ATG10: variants seen among roughly 807,000 people sequenced by gnomAD.
ATG10 encodes autophagy related 10.
Under a neutral mutation model 32.1 loss-of-function variants are expected in ATG10, and 30 were observed. The ratio of observed to expected loss-of-function variants is 0.94; its 90% CI spans 0.70 to 1.27. ATG10 has a LOEUF of 1.27. Among genes scored for constraint, ATG10 ranks in the 50% most tolerant of loss-of-function variants. The pLI, the probability that ATG10 is intolerant of heterozygous loss-of-function variation, is 0.00. For missense variants in ATG10, 233 were observed against 262.3 expected, an observed-to-expected ratio of 0.89 and a Z score of 0.77; for synonymous variants, 87 against 91.5, an observed-to-expected ratio of 0.95 and a Z score of 0.28.
At chr5:82,013,241 G>A (rs1338725785) in intron 2 of ATG10, among the ~76,000 whole-genome samples, 3 of 152,160 alleles carry the variant, frequency 2.0e-5, no homozygotes, top group African/African-American at 7.2e-5. Flanking sequence ...GTGAGCCACC[G>A]CATCCGGCCC....
chr5:82,226,112 A>G (rs1463020112), intron 5 of ATG10, among the ~76,000 whole-genome samples: 1 of 152,176 alleles, frequency 6.6e-6, no homozygotes, highest in African/African-American at 2.4e-5. Context: ...GGCAGTTTCC[A>G]AGATGTGACT....
chr5:82,124,803 C>T (rs954630169), intron 3 of ATG10, among the ~76,000 whole-genome samples: 1 of 152,056 alleles, frequency 6.6e-6, no homozygotes, highest in African/African-American at 2.4e-5. Context: ...TGGATATATG[C>T]CCAGTAATGG....
At chr5:82,110,661 T>G (rs324902) in intron 3 of ATG10, among the ~76,000 whole-genome samples, 36,613 of 151,872 alleles carry the variant, frequency 0.24, 4,722 homozygotes, top group South Asian at 0.36. Context: ...GTTTTTTTCT[T>G]GTAAATTTGT....
intron 2 of ATG10, among the ~76,000 whole-genome samples, chr5:82,001,673 A>G (rs57372364): frequency 5.3e-5 from 8 of 152,150 alleles, no homozygotes; most frequent in East Asian, 1.9e-4. Flanking sequence ...AAAAGCAAAA[A>G]CTATAAAAAC....
intron 5 of ATG10, among the ~76,000 whole-genome samples, chr5:82,218,600 T>A (rs1353756617): frequency 6.6e-6 from 1 of 152,210 alleles, no homozygotes; most frequent in African/African-American, 2.4e-5. Flanking sequence ...TGTGTTTTTT[T>A]TCTCATATGT....
At chr5:82,109,390 G>A (rs940226358) in intron 3 of ATG10, among the ~76,000 whole-genome samples, 16 of 152,060 alleles carry the variant, frequency 1.1e-4, no homozygotes, top group African/African-American at 3.1e-4. Flanking sequence ...GTAGACTTCC[G>A]CCTCATGACT....
At position 82,164,533 on chromosome 5, in the gene ATG10, T is replaced by G; in HGVS notation, c.351T>G (p.Phe117Leu). The G allele has an allele frequency of 6.2e-7, 1 of 1,610,588 alleles. No individual in the cohort carries two copies. Among genetic ancestry groups the G allele is most frequent in the Non-Finnish European group, 8.5e-7 (1 of 1,177,844 alleles). Residue 117 changes from phenylalanine (F) to leucine (L), a missense_variant, in exon 4 of 8, where the codon TTT becomes TTG. Physicochemically the swap from Phe to Leu is conservative, Grantham distance 22. Transcript: ENST00000282185. The part of the protein sequence containing the change: ...QVPVLYFRAS[F>L]LDGRPLTLKD... ...CTGTACTTTACTTTAGGGCAAGCTT[T>G]TTAGGTAAGAACATGTCTGAAGCTA...
At chr5:82,022,735 A>G (rs546886973) in intron 2 of ATG10, among the ~76,000 whole-genome samples, 7 of 150,250 alleles carry the variant, frequency 4.7e-5, no homozygotes, top group Non-Finnish European at 1.0e-4. Context: ...TATCTCTGTG[A>G]GTTAGCCATT....
intron 2 of ATG10, among the ~76,000 whole-genome samples, chr5:81,999,435 G>A (rs187490613): frequency 8.1e-4 from 124 of 152,158 alleles, no homozygotes; most frequent in African/African-American, 2.9e-3. Context: ...AAGTTAGAAA[G>A]ATCTCAAATA....
At chr5:82,016,693 CTT>C (rs572355868) in intron 2 of ATG10, among the ~76,000 whole-genome samples, 8 of 142,668 alleles carry the variant, frequency 5.6e-5, no homozygotes, top group Non-Finnish European at 7.7e-5. Context: ...TTCTTTCTTT[CTT>C]TTTTTTTTTT....
At chr5:82,143,729 T>G (rs1767238064) in intron 3 of ATG10, among the ~76,000 whole-genome samples, 1 of 152,180 alleles carries the variant, frequency 6.6e-6, no homozygotes. Flanking sequence ...CCCCTCTAGT[T>G]TTTTCTGCCA....
chr5:82,055,659 G>A (rs1031515302), intron 2 of ATG10, among the ~76,000 whole-genome samples: 1 of 152,074 alleles, frequency 6.6e-6, no homozygotes, highest in African/African-American at 2.4e-5. Flanking sequence ...GAGAGTTTTG[G>A]TTTTTATCTC....
intron 5 of ATG10, among the ~76,000 whole-genome samples, chr5:82,180,361 A>G (rs1044572764): frequency 6.6e-6 from 1 of 152,148 alleles, no homozygotes; most frequent in Admixed American, 6.6e-5. Flanking sequence ...CCTCTCATAC[A>G]TTCCCTTCTC....
At chr5:81,995,482 T>C (rs972278690) in intron 2 of ATG10, among the ~76,000 whole-genome samples, 1 of 152,312 alleles carries the variant, frequency 6.6e-6, no homozygotes. Flanking sequence ...CTGAAAACAG[T>C]AGAGAACTTT....
At chr5:81,980,268 T>C (rs2406909) in intron 1 of ATG10, among the ~76,000 whole-genome samples, 96,413 of 152,112 alleles carry the variant, frequency 0.63, 32,665 homozygotes, top group East Asian at 0.99. Context: ...TTGATTTCCA[T>C]ATTCCTAGTG....
At chr5:82,200,242 A>G (rs2149960961) in intron 5 of ATG10, among the ~76,000 whole-genome samples, 1 of 152,054 alleles carries the variant, frequency 6.6e-6, no homozygotes, top group East Asian at 1.9e-4. Context: ...TCCCACTAGC[A>G]ATTTCTGGGA....
At chr5:82,232,167 G>A (rs917914601) in intron 5 of ATG10, among the ~76,000 whole-genome samples, 4 of 152,172 alleles carry the variant, frequency 2.6e-5, no homozygotes, top group African/African-American at 9.7e-5. Flanking sequence ...TAGCTCAAAA[G>A]TGGTGTCCTT....
chr5:82,139,475 GGAGC>G (rs1766945166), intron 3 of ATG10, among the ~76,000 whole-genome samples: 2 of 136,462 alleles, frequency 1.5e-5, no homozygotes, highest in Admixed American at 1.4e-4. Context: ...TGAGATGTGG[GGAGC>G]GCCTCTGCCC....
chr5:82,100,264 C>T (rs542559246), intron 3 of ATG10, among the ~76,000 whole-genome samples: 61 of 152,164 alleles, frequency 4.0e-4, no homozygotes, highest in African/African-American at 1.4e-3. Flanking sequence ...GCCTCGGCCT[C>T]CCAAAGTGCT....
Sources: allele counts gnomAD v4.1 joint callset (sites outside exome capture counted in the v4.1 genomes callset), GRCh38; gene constraint gnomAD v4.1.1; transcripts MANE v1.5; gene names NCBI Gene and HGNC (gene_info 2026-07-23, HGNC 2026-07-21).